Variants in LAMA2 observed in about 807,000 individuals in gnomAD.
LAMA2 encodes laminin subunit alpha-2.
LAMA2 carries 269 observed loss-of-function variants against 364.8 expected under a neutral mutation model. That is an observed-to-expected ratio of 0.74 (90% CI 0.67 to 0.82). LAMA2 has a LOEUF of 0.82. LAMA2 is among the 40% of genes least tolerant of loss of function. The pLI is 0.00. For synonymous variants in LAMA2, 1,379 were observed against 1,370.6 expected (o/e 1.01, Z -0.14); for missense variants, 3,807 against 3,873.2 (o/e 0.98, Z 0.45).
intron 15 of LAMA2, among the ~76,000 whole-genome samples, chr6:129,264,235 G>T (rs1787334612): frequency 6.6e-6 from 1 of 152,116 alleles, no homozygotes. Context: ...TTTGATAGTA[G>T]AACAAATAGG....
At chr6:129,491,129 T>C (rs1163547582) in intron 56 of LAMA2, 1 of 152,206 alleles carries the variant, frequency 6.6e-6, no homozygotes, top group Non-Finnish European at 1.5e-5. Context: ...GACTAATGCT[T>C]ATGACTAATA....
At chr6:129,266,407 A>G (rs573708188) in intron 15 of LAMA2, among the ~76,000 whole-genome samples, 2 of 152,318 alleles carry the variant, frequency 1.3e-5, no homozygotes, top group East Asian at 1.9e-4. Flanking sequence ...TAAACAAGGA[A>G]TGAAAAATAC....
At chr6:129,485,076 G>A (rs577533174) in intron 55 of LAMA2, among the ~76,000 whole-genome samples, 18 of 152,128 alleles carry the variant, frequency 1.2e-4, no homozygotes, top group African/African-American at 2.6e-4. Flanking sequence ...AAATGCCCTC[G>A]TCAATTTTTT....
chr6:129,135,639 A>G (rs1777749971), intron 4 of LAMA2, among the ~76,000 whole-genome samples: 1 of 152,240 alleles, frequency 6.6e-6, no homozygotes, highest in African/African-American at 2.4e-5. Flanking sequence ...TGGTTGGGGC[A>G]CACCCAAAAC....
chr6:128,954,294 A>G (rs1233883467), intron 1 of LAMA2, among the ~76,000 whole-genome samples: 1 of 148,228 alleles, frequency 6.7e-6, no homozygotes, highest in Non-Finnish European at 1.5e-5. Flanking sequence ...AGGAAGGAAC[A>G]TCATGGAGCA....
At chr6:129,160,987 A>T (rs1779411879) in intron 8 of LAMA2, among the ~76,000 whole-genome samples, 1 of 152,100 alleles carries the variant, frequency 6.6e-6, no homozygotes, top group Non-Finnish European at 1.5e-5. Context: ...GGATTTTTCC[A>T]ATCTGCGATT....
intron 37 of LAMA2, among the ~76,000 whole-genome samples, chr6:129,396,188 C>A (rs1344860238): frequency 6.6e-6 from 1 of 152,154 alleles, no homozygotes; most frequent in Admixed American, 6.5e-5. Context: ...ACATATCTGT[C>A]AGGTACCTAC....
At chr6:128,885,937 A>C (rs1776126935) in intron 1 of LAMA2, among the ~76,000 whole-genome samples, 2 of 152,216 alleles carry the variant, frequency 1.3e-5, no homozygotes, top group Non-Finnish European at 2.9e-5. Context: ...CATTTCAGCA[A>C]GGCAGTGTCT....
intron 45 of LAMA2, 115 bp from the exon 46 acceptor site, chr6:129,452,873 A>T (rs772602116): frequency 3.9e-5 from 35 of 886,518 alleles, no homozygotes; most frequent in Non-Finnish European, 5.7e-5. Context: ...ATAGTATTTG[A>T]TGATAGAAAA....
At chr6:129,121,768 A>G (rs1328160103) in intron 4 of LAMA2, among the ~76,000 whole-genome samples, 1 of 152,216 alleles carries the variant, frequency 6.6e-6, no homozygotes, top group Non-Finnish European at 1.5e-5. Flanking sequence ...CAAAGACATT[A>G]TTACAAAGCA....
intron 55 of LAMA2, among the ~76,000 whole-genome samples, chr6:129,483,743 G>A (rs2571586): frequency 0.34 from 52,315 of 151,910 alleles, 10,151 homozygotes; most frequent in African/African-American, 0.54. Flanking sequence ...GTATTGTGGA[G>A]CTATCATGTT....
At chr6:128,991,750 G>A (rs76069001) in intron 1 of LAMA2, among the ~76,000 whole-genome samples, 2,354 of 152,128 alleles carry the variant, frequency 0.015, 74 homozygotes, top group African/African-American at 0.054. Context: ...ATATATCTAG[G>A]CAAACTAACC....
intron 12 of LAMA2, among the ~76,000 whole-genome samples, chr6:129,223,859 GTT>G (rs570476577): frequency 1.3e-5 from 2 of 151,848 alleles, no homozygotes; most frequent in Non-Finnish European, 2.9e-5. Flanking sequence ...CTTTAAAGTA[GTT>G]TTTTTTCCAA....
At chr6:128,932,121 T>G (rs1394271280) in intron 1 of LAMA2, among the ~76,000 whole-genome samples, 1 of 152,208 alleles carries the variant, frequency 6.6e-6, no homozygotes, top group African/African-American at 2.4e-5. Flanking sequence ...AATGTAATCT[T>G]CACAGCAACA....
chr6:129,393,815 T>A (rs1429177879), intron 37 of LAMA2, among the ~76,000 whole-genome samples: 3 of 152,220 alleles, frequency 2.0e-5, no homozygotes, highest in African/African-American at 4.8e-5. Flanking sequence ...AATAGCTCAA[T>A]GAATTGAGAC....
chr6:129,316,303 G>A (rs1046851277), intron 27 of LAMA2, 132 bp downstream of exon 27: 1 of 733,030 alleles, frequency 1.4e-6, no homozygotes, highest in Non-Finnish European at 2.3e-6. Flanking sequence ...ATAAACCATG[G>A]AGGCTTCCCT....
chr6:129,034,719 G>T (rs1257708149), intron 1 of LAMA2, among the ~76,000 whole-genome samples: 1 of 152,022 alleles, frequency 6.6e-6, no homozygotes, highest in Non-Finnish European at 1.5e-5. Context: ...AAGTGAAAAT[G>T]TCATATTCAA....
intron 3 of LAMA2, among the ~76,000 whole-genome samples, chr6:129,095,818 G>A (rs923361080): frequency 2.6e-5 from 4 of 151,956 alleles, no homozygotes. Context: ...AGCTACTTGG[G>A]AGGCTGAGGC....
intron 12 of LAMA2, among the ~76,000 whole-genome samples, chr6:129,220,999 T>C (rs1432842912): frequency 4.0e-5 from 6 of 151,860 alleles, no homozygotes; most frequent in African/African-American, 1.2e-4. Flanking sequence ...CTGTCTCTAC[T>C]AAAAATACAA....
Sources: gnomAD v4.1 joint callset for allele counts (sites outside exome capture counted in the v4.1 genomes callset) on GRCh38, gnomAD v4.1.1 for gene constraint, MANE v1.5 for transcripts, NCBI Gene and HGNC (gene_info 2026-07-23, HGNC 2026-07-21) for gene names.